ERP44: variants seen among roughly 807,000 people sequenced by gnomAD.
The protein encoded by ERP44 is endoplasmic reticulum protein 44, also known as endoplasmic reticulum resident protein 44.
ERP44 carries 25 observed loss-of-function variants against 53.4 expected under a neutral mutation model. That is an observed-to-expected ratio of 0.47 (90% CI 0.34 to 0.65). The LOEUF (loss-of-function observed/expected upper bound fraction) is 0.65, where lower values mean the gene tolerates loss of function less well. Ranked by LOEUF, ERP44 falls within the 30% of genes least tolerant of loss-of-function variation. The probability of loss-of-function intolerance (pLI) is 0.01; values close to 1 mark genes in which losing one functional copy is unlikely to be tolerated. For synonymous variants in ERP44, 145 were observed against 161.2 expected, an observed-to-expected ratio of 0.90 and a Z score of 0.76; for missense variants, 338 against 493.2, an observed-to-expected ratio of 0.69 and a Z score of 2.98.
rs1388817660 is a variant in ERP44, at chr9:99,980,248, G to C, written c.*2364C>G. ...ATATCCATATGCCTGACTAGGCTGT[G>C]AACAACTCTAGGGCAGAAATAATGC... is the stretch of plus-strand genomic sequence containing the variant. On this transcript the variant is annotated 3_prime_UTR_variant, in exon 12 of 12. Transcript: ENST00000262455. 1 of 393,788 alleles carries C rather than the reference G, an allele frequency of 2.5e-6. No individual in the cohort carries two copies. The highest frequency in any genetic ancestry group is 2.1e-5 in the African/African-American group (1 of 48,494). The allele number at this position is 393,788 out of a possible 1,614,324, so 24.4% of individuals were successfully genotyped here.
intron 1 of ERP44, among the ~76,000 whole-genome samples, chr9:100,067,023 T>C (rs1308859285): frequency 6.6e-6 from 1 of 152,186 alleles, no homozygotes; most frequent in African/African-American, 2.4e-5. Context: ...AACCTTCCTA[T>C]AGCATCAGTG....
intron 1 of ERP44, among the ~76,000 whole-genome samples, chr9:100,075,518 T>C (rs1418653248): frequency 1.3e-5 from 2 of 152,304 alleles, no homozygotes; most frequent in East Asian, 1.9e-4. Context: ...GTCCATCACA[T>C]TGATGACATT....
chr9:100,091,791 A>G (rs1441935710), intron 1 of ERP44, among the ~76,000 whole-genome samples: 1 of 152,198 alleles, frequency 6.6e-6, no homozygotes, highest in Non-Finnish European at 1.5e-5. Flanking sequence ...TCATCTGGGT[A>G]TAAGTTCTTA....
intron 1 of ERP44, among the ~76,000 whole-genome samples, chr9:100,083,934 A>G (rs972418347): frequency 1.3e-5 from 2 of 152,148 alleles, no homozygotes; most frequent in Admixed American, 6.5e-5. Flanking sequence ...TTAAATGTAG[A>G]TATTTTTCCC....
chr9:99,982,709 G>T lies in ERP44; in HGVS notation c.1124C>A (p.Ala375Asp). 1 of 1,594,866 alleles carries T rather than the reference G, an allele frequency of 6.3e-7. No individual in the cohort carries two copies. The highest frequency in any genetic ancestry group is 8.5e-7 in the Non-Finnish European group (1 of 1,173,072). ...DPTDTAPGEQAQDVASSPPES... is the reference protein window; with the variant it reads ...DPTDTAPGEQDQDVASSPPES... ...AGGTGGACTGCTTGCTACATCTTGG[G>T]CTTGCTACAAAAGAAAGAATAAAAC... The change falls in exon 12 of 12, where the codon GCC becomes GAC. Residue 375 changes from alanine (A) to aspartate (D), a missense_variant. Physicochemically the swap from Ala to Asp is moderately radical, Grantham distance 126. Around this residue, in one of 3 missense-constraint regions of ERP44, gnomAD observed 113 missense variants for 172.6 expected, o/e 0.65. Transcript: ENST00000262455.
chr9:100,052,432 C>A lies in ERP44; in HGVS notation c.271G>T (p.Asp91Tyr). 1 of 1,609,108 alleles carries A rather than the reference C, an allele frequency of 6.2e-7. No individual in the cohort carries two copies. Reference protein sequence around the residue: ...NENQVVFARVDCDQHSDIAQR... With the variant: ...NENQVVFARVYCDQHSDIAQR... Reference sequence around the variant, plus strand: ...AGGTACTTACAGTGCTGATCACAATCAACTCTGGCAAACACTACTTGATTT... The same window carrying A: ...AGGTACTTACAGTGCTGATCACAATAAACTCTGGCAAACACTACTTGATTT... The change falls in exon 4 of 12, where the codon GAT becomes TAT. Residue 91 changes from aspartate (D) to tyrosine (Y), a missense_variant. By Grantham distance (160) the Asp-to-Tyr change is radical. This residue lies in a region of ERP44 where 224 missense variants were observed against 301.4 expected (regional missense o/e 0.74). Transcript: ENST00000262455.
rs140791667 is a variant in ERP44 at position 100,088,625 on chromosome 9, CT to C, written c.57+10158del. On this transcript the variant is annotated intron_variant, in intron 1 of 11. Coordinates refer to ENST00000262455, the MANE Select transcript of ERP44 (RefSeq NM_015051.3). The stretch of plus-strand genomic sequence containing the variant: ...ATCTAAGAATGAGAAAAGGGGATAC[CT>C]TTCACCACTTTTTGTTTCATAAAAT... Among the ~76,000 whole-genome samples the C allele has an allele frequency of 4.7e-3, 718 of 152,296 alleles. 4 individuals carry two copies. The highest frequency in any genetic ancestry group is 8.6e-3 in the Non-Finnish European group (584 of 68,024).
intron 4 of ERP44, among the ~76,000 whole-genome samples, chr9:100,031,114 G>A (rs1050690146): frequency 6.6e-6 from 1 of 151,982 alleles, no homozygotes; most frequent in Admixed American, 6.5e-5. Flanking sequence ...GACAGAACAC[G>A]GGCTTAGGAT....
At position 100,036,898 on chromosome 9, in the gene ERP44, A is replaced by G. The variant is rs369519777; in HGVS notation, c.287-14672T>C. The stretch of plus-strand genomic sequence containing the variant: ...ATAGGGAGAGATTGCTTAACAGATT[A>G]AAAAAAATTACCTCTAGAGAGAGGC... On this transcript the variant is annotated intron_variant, in intron 4 of 11. Transcript: ENST00000262455. 9.2e-5 allele frequency among the ~76,000 whole-genome samples: 14 copies of G among 152,000 alleles called. No individual in the cohort carries two copies. In the East Asian group the frequency reaches 2.1e-3, roughly 23 times the overall value.
At chr9:100,079,413 TACACAC>T (rs58110423) in intron 1 of ERP44, among the ~76,000 whole-genome samples, 1,990 of 137,336 alleles carry the variant, frequency 0.014, 12 homozygotes, top group Non-Finnish European at 0.018. Context: ...AACTCCCCTT[TACACAC>T]ACACACACAC....
At chr9:100,088,492 A>G (rs2118757638) in intron 1 of ERP44, among the ~76,000 whole-genome samples, 1 of 152,286 alleles carries the variant, frequency 6.6e-6, no homozygotes, top group East Asian at 1.9e-4. Flanking sequence ...CAACTCCCCT[A>G]ATACACTCCT....
chr9:99,985,869 T>A (rs1426755964), intron 10 of ERP44, among the ~76,000 whole-genome samples: 3 of 152,238 alleles, frequency 2.0e-5, no homozygotes, highest in Non-Finnish European at 4.4e-5. Context: ...GATTTTCAGT[T>A]GTTTTGTTTT....
chr9:100,073,143 T>A (rs1359594513), intron 1 of ERP44, among the ~76,000 whole-genome samples: 1 of 152,176 alleles, frequency 6.6e-6, no homozygotes, highest in East Asian at 1.9e-4. Flanking sequence ...TAAAAATAAG[T>A]ACCCTGTAAC....
At chr9:100,067,459 C>T (rs1224950190) in intron 1 of ERP44, among the ~76,000 whole-genome samples, 1 of 152,256 alleles carries the variant, frequency 6.6e-6, no homozygotes. Flanking sequence ...TCCCGAGGTG[C>T]CGGGATTGCA....
At chr9:100,025,888 A>G (rs1010603150) in intron 4 of ERP44, among the ~76,000 whole-genome samples, 9 of 152,294 alleles carry the variant, frequency 5.9e-5, no homozygotes, top group Admixed American at 5.9e-4. Flanking sequence ...ATGGATTTCC[A>G]TTTTCAAGCA....
In ERP44 at chr9:100,060,111, T is replaced by A; in HGVS notation, c.119A>T (p.Asp40Val). The change falls in exon 2 of 12, where the codon GAT (aspartate) becomes GTT (valine). Residue 40 changes from aspartate to valine, a missense_variant. By Grantham distance (152) the Asp-to-Val change is radical. This residue lies in a region of ERP44 where 224 missense variants were observed against 301.4 expected (regional missense o/e 0.74). Coordinates refer to ENST00000262455, the MANE Select transcript of ERP44 (RefSeq NM_015051.3). ...EITSLDTENI[D>V]EILNNADVAL... ...ATTGAGGTACTTACTTAAAATTTCA[T>A]CTATATTCTCTGTATCAAGACTTGT... The A allele has an allele frequency of 6.8e-7, 1 of 1,478,500 alleles. No individual in the cohort carries two copies. The highest frequency in any genetic ancestry group is 2.6e-5 in the East Asian group (1 of 39,008). The allele number at this position is 1,478,500 out of a possible 1,614,324, so 91.6% of individuals were successfully genotyped here.
At chr9:99,989,626 G>A (rs747346232) in intron 10 of ERP44, among the ~76,000 whole-genome samples, 8 of 152,202 alleles carry the variant, frequency 5.3e-5, no homozygotes, top group Non-Finnish European at 1.0e-4. Flanking sequence ...GAAAACCAAA[G>A]CACCTCTTCT....
In ERP44 at chr9:100,090,731, G is replaced by A. The variant is rs530694932; in HGVS notation, c.57+8053C>T. Among the ~76,000 whole-genome samples, 412 of 149,960 alleles carry A rather than the reference G, an allele frequency of 2.7e-3. 2 individuals carry two copies. Among genetic ancestry groups the A allele is most frequent in the African/African-American group, 9.7e-3 (387 of 39,770 alleles). ...GCCATTGCATTCCAGCCTGGGCAAC[G>A]GAGTGAGACTCTGTTTCAAAAAAAA... On this transcript the variant is annotated intron_variant, in intron 1 of 11. Transcript: ENST00000262455.
intron 9 of ERP44, 123 bp downstream of exon 9, chr9:100,007,455 T>TA: frequency 1.6e-6 from 1 of 627,006 alleles, no homozygotes; most frequent in South Asian, 1.9e-5. Context: ...TTGAATGTGT[T>TA]AAAATAAGTT....
Sources: allele counts gnomAD v4.1 joint callset (sites outside exome capture counted in the v4.1 genomes callset), GRCh38; gene constraint gnomAD v4.1.1; regional missense constraint gnomAD v4.1.1; transcripts MANE v1.5; gene names NCBI Gene and HGNC (gene_info 2026-07-23, HGNC 2026-07-21).